The following POLH variants were observed in gnomAD, a reference collection of about 807,000 sequenced individuals.
POLH encodes the protein DNA polymerase eta.
POLH carries 53 observed loss-of-function variants against 73.6 expected under a neutral mutation model. The observed-to-expected ratio is 0.72, with a 90% confidence interval of 0.58 to 0.91. The LOEUF is 0.91. Among genes scored for constraint, POLH ranks in the 40% least tolerant of loss-of-function variants. The probability of loss-of-function intolerance (pLI) is 0.00; values close to 1 mark genes in which losing one functional copy is unlikely to be tolerated. For synonymous variants in POLH, 292 were observed against 308.5 expected (o/e 0.95, Z 0.56); for missense variants, 768 against 865.4 (o/e 0.89, Z 1.41).
At chr6:43,604,866 C>G in intron 8 of POLH, 128 bp downstream of exon 8, 7 of 976,900 alleles carry the variant, frequency 7.2e-6, no homozygotes, top group Non-Finnish European at 8.2e-6. Context: ...GATGTTCTGT[C>G]CTTGGGTTGA....
intron 9 of POLH, among the ~76,000 whole-genome samples, chr6:43,607,509 T>G (rs1394004140): frequency 6.6e-6 from 1 of 152,254 alleles, no homozygotes; most frequent in Non-Finnish European, 1.5e-5. Flanking sequence ...TTGGCTATTA[T>G]GAATAATGTT....
At position 43,597,686 on chromosome 6, in the gene POLH, T is replaced by G. The variant is rs1353129085; in HGVS notation, c.491-10T>G. On this transcript the variant is annotated splice_polypyrimidine_tract_variant and intron_variant, in intron 4 of 10. Coordinates refer to ENST00000372236, the MANE Select transcript of POLH (RefSeq NM_006502.3). ...TAAATGTCTAAATGTGAGTTCTTAA[T>G]TCATTTCAGAGGGGATGCGAAAACA... is the stretch of plus-strand genomic sequence containing the variant. The G allele has an allele frequency of 6.2e-7, 1 of 1,611,042 alleles. No individual in the cohort carries two copies. Among genetic ancestry groups the G allele is most frequent in the Admixed American group, 1.7e-5 (1 of 60,004 alleles).
chr6:43,606,435 CT>C lies in POLH; in HGVS notation c.1074+1127del, dbSNP rs532899048. ...AGACATCTGATGATTAGTTTCTCTC[CT>C]TTTTTTTTTTGAGACTGAGTTTCGC... is the stretch of plus-strand genomic sequence containing the variant. On this transcript the variant is annotated intron_variant, in intron 9 of 10. Transcript: ENST00000372236. 5.5e-3 allele frequency among the ~76,000 whole-genome samples: 797 copies of C among 145,712 alleles called. 5 individuals are homozygous for C. Among genetic ancestry groups the C allele is most frequent in the African/African-American group, 0.017 (682 of 40,076 alleles).
rs193130018 is a variant in POLH at position 43,617,795 on chromosome 6, C to T, written c.*3238C>T. Among the ~76,000 whole-genome samples, 126 of 152,214 alleles carry T rather than the reference C, an allele frequency of 8.3e-4. No homozygotes were observed. The highest frequency in any genetic ancestry group is 3.4e-3 in the Middle Eastern group (1 of 294). On this transcript the variant is annotated 3_prime_UTR_variant, in exon 11 of 11. Coordinates refer to ENST00000372236, the MANE Select transcript of POLH (RefSeq NM_006502.3). ...ATACAACTGGGCGTGGTGGTGCACG[C>T]CTGTAGTCCCAGCTACTTGGGAGGC... is the stretch of plus-strand genomic sequence containing the variant.
At chr6:43,585,895 C>A (rs1185301102) in intron 3 of POLH, among the ~76,000 whole-genome samples, 1 of 151,658 alleles carries the variant, frequency 6.6e-6, no homozygotes, top group Admixed American at 6.6e-5. Flanking sequence ...CCACCCACCT[C>A]TGCCTCCCAA....
chr6:43,603,253 A>C lies in POLH; in HGVS notation c.765-639A>C, dbSNP rs371866349. On this transcript the variant is annotated intron_variant, in intron 6 of 10. Coordinates refer to ENST00000372236, the MANE Select transcript of POLH (RefSeq NM_006502.3). ...GTGATCCTCCCACCTCAGCCTCCCA[A>C]GTAGCTGGGACTACAGCTACATACT... Among the ~76,000 whole-genome samples the C allele has an allele frequency of 4.6e-5, 7 of 151,606 alleles. No individual in the cohort carries two copies. In the South Asian group the frequency reaches 1.5e-3, roughly 32 times the overall value.
At chr6:43,603,784 T>C in intron 6 of POLH, 108 bp from the exon 7 acceptor site, 1 of 1,067,060 alleles carries the variant, frequency 9.4e-7, no homozygotes, top group Non-Finnish European at 1.5e-6. Flanking sequence ...TGCTCTCATT[T>C]GTCCTGAACC....
chr6:43,579,019 C>T (rs1204903630), intron 1 of POLH, among the ~76,000 whole-genome samples: 1 of 152,120 alleles, frequency 6.6e-6, no homozygotes, highest in Non-Finnish European at 1.5e-5. Flanking sequence ...CTAATTTATC[C>T]TTATGCCAGC....
At chr6:43,605,170 A>G (rs1767136897) in intron 8 of POLH, 84 bp from the exon 9 acceptor site, 3 of 812,538 alleles carry the variant, frequency 3.7e-6, no homozygotes, top group Non-Finnish European at 6.3e-6. Flanking sequence ...TGTTTGGGAG[A>G]AAAAAAAGAA....
chr6:43,598,458 C>A (rs1766348329), intron 5 of POLH, among the ~76,000 whole-genome samples: 3 of 150,860 alleles, frequency 2.0e-5, no homozygotes, highest in Admixed American at 1.3e-4. Flanking sequence ...AAAACACCAT[C>A]TCTACTAAAA....
intron 9 of POLH, among the ~76,000 whole-genome samples, chr6:43,606,717 C>T (rs1234076470): frequency 6.6e-6 from 1 of 152,170 alleles, no homozygotes; most frequent in Non-Finnish European, 1.5e-5. Context: ...GCATGAGCCA[C>T]CGCACCCGGC....
chr6:43,581,000 C>G (rs1481161960), intron 1 of POLH, among the ~76,000 whole-genome samples: 8 of 148,078 alleles, frequency 5.4e-5, no homozygotes, highest in Admixed American at 3.3e-4. Flanking sequence ...CTGACCCCCC[C>G]CCACCTCCCT....
intron 1 of POLH, 85 bp from the exon 2 acceptor site, chr6:43,582,231 C>G (rs1582270409): frequency 8.1e-7 from 1 of 1,234,832 alleles, no homozygotes; most frequent in Non-Finnish European, 1.2e-6. Flanking sequence ...CATGGTAACT[C>G]ATCAGTGAAA....
At chr6:43,588,385 C>CTTTCT (rs1454343468) in intron 4 of POLH, 1 of 151,500 alleles carries the variant, frequency 6.6e-6, no homozygotes, top group Non-Finnish European at 1.5e-5. Flanking sequence ...TCCTCCCTTC[C>CTTTCT]TTTCTTTTCT....
At chr6:43,579,068 T>C (rs1332301188) in intron 1 of POLH, among the ~76,000 whole-genome samples, 5 of 152,330 alleles carry the variant, frequency 3.3e-5, no homozygotes, top group African/African-American at 1.2e-4. Flanking sequence ...GATATATGTA[T>C]GTTAGTTTTT....
intron 4 of POLH, chr6:43,591,167 A>G (rs1381047196): frequency 6.6e-6 from 1 of 152,196 alleles, no homozygotes; most frequent in Non-Finnish European, 1.5e-5. Flanking sequence ...AAGATGTGCC[A>G]CTTATAGAGG....
Position 43,620,235 on chromosome 6 carries a change from G to A in POLH, c.*5678G>A. 1 of 515,628 alleles carries A rather than the reference G, an allele frequency of 1.9e-6. No homozygotes were observed. Among genetic ancestry groups the A allele is most frequent in the Non-Finnish European group, 3.9e-6 (1 of 259,196 alleles). 31.9% of individuals were successfully genotyped at this position (515,628 alleles called of 1,614,324 possible). On this transcript the variant is annotated 3_prime_UTR_variant, in exon 11 of 11. Transcript: ENST00000372236. ...GCAAGTGGCCAACTCTTCAAATACAGGGTAGCTACCTATTTCACGTGAAAG... is the reference window on the plus strand; with the variant it reads ...GCAAGTGGCCAACTCTTCAAATACAAGGTAGCTACCTATTTCACGTGAAAG...
chr6:43,620,288 C>A lies in POLH; in HGVS notation c.*5731C>A. Reference sequence around the variant, plus strand: ...CTCAGTATTCTGCTCACTTGAACTACGGAAAATAGGCCACAATACTTGGTT... The same window carrying A: ...CTCAGTATTCTGCTCACTTGAACTAAGGAAAATAGGCCACAATACTTGGTT... On this transcript the variant is annotated 3_prime_UTR_variant, in exon 11 of 11. Transcript: ENST00000372236. 1 of 517,126 alleles carries A rather than the reference C, an allele frequency of 1.9e-6. No homozygotes were observed. The highest frequency in any genetic ancestry group is 3.9e-6 in the Non-Finnish European group (1 of 259,520). The allele number at this position is 517,126 out of a possible 1,614,324, so 32.0% of individuals were successfully genotyped here. A position where few individuals can be genotyped will look rare whatever the true frequency, so the allele number is the denominator to read the frequency against.
Position 43,603,870 on chromosome 6 carries a change from TCTTTGTCTC to T in POLH, c.765-15_765-7del, listed in dbSNP as rs1365344312. On this transcript the variant is annotated splice_polypyrimidine_tract_variant and intron_variant, in intron 6 of 10. Transcript: ENST00000372236. ...GATAGTTATGATGTGACCTATCAAT[TCTTTGTCTC>T]CTTTGTTATCAGCCGTAGTCTTGGA... The T allele has an allele frequency of 6.2e-7, 1 of 1,612,560 alleles. No homozygotes were observed. The highest frequency in any genetic ancestry group is 8.5e-7 in the Non-Finnish European group (1 of 1,178,928).
Sources: gnomAD v4.1 joint callset for allele counts (sites outside exome capture counted in the v4.1 genomes callset) on GRCh38, gnomAD v4.1.1 for gene constraint, MANE v1.5 for transcripts, NCBI Gene and HGNC (gene_info 2026-07-23, HGNC 2026-07-21) for gene names.